The following CDH23 variants were observed in gnomAD, a reference collection of about 807,000 sequenced individuals.
CDH23 encodes the protein cadherin-23.
In CDH23, 189 loss-of-function variants were observed where a neutral mutation model predicts 317.1. That is an observed-to-expected ratio of 0.60 (90% CI 0.53 to 0.67). CDH23 has a LOEUF of 0.67. Ranked by LOEUF, CDH23 falls within the 30% of genes least tolerant of loss-of-function variation. The probability of loss-of-function intolerance (pLI) is 0.00; values close to 1 mark genes in which losing one functional copy is unlikely to be tolerated. For missense variants in CDH23, 4,401 were observed against 4,592.4 expected (o/e 0.96, Z 1.20); for synonymous variants, 1,839 against 1,876.8 (o/e 0.98, Z 0.52).
chr10:71,585,895 A>G (rs1234948116), intron 9 of CDH23, among the ~76,000 whole-genome samples: 1 of 152,128 alleles, frequency 6.6e-6, no homozygotes, highest in Non-Finnish European at 1.5e-5. Flanking sequence ...CTTCCCATAA[A>G]TAACACTGGT....
rs1323848232 is a variant in CDH23 at position 71,813,296 on chromosome 10, T to C, written c.9686T>C (p.Phe3229Ser). The change falls in exon 69 of 70, where the codon TTT (phenylalanine) becomes TCT (serine). Residue 3229 changes from phenylalanine to serine, a missense_variant. Physicochemically the swap from Phe to Ser is radical, Grantham distance 155. Around this residue, in one of 3 missense-constraint regions of CDH23, gnomAD observed 1,144 missense variants for 1,138.2 expected, o/e 1.01. Coordinates refer to ENST00000224721, the MANE Select transcript of CDH23 (RefSeq NM_022124.6). ...GATTACCTGCGGCTCAAAAAGCTCT[T>C]TGCACAGCGGATGGTGCAAAAAGCC... Reference protein sequence around the residue: ...LEDYLRLKKLFAQRMVQKASS... With the variant: ...LEDYLRLKKLSAQRMVQKASS... 1 of 1,551,646 alleles carries C rather than the reference T, an allele frequency of 6.4e-7. No homozygotes were observed. Among genetic ancestry groups the C allele is most frequent in the Admixed American group, 2.0e-5 (1 of 50,992 alleles).
chr10:71,701,934 C>T, intron 22 of CDH23, 88 bp from the exon 23 acceptor site: 1 of 1,414,496 alleles, frequency 7.1e-7, no homozygotes, highest in Non-Finnish European at 9.7e-7. Context: ...TCCCCAGGAC[C>T]AACGTCTGAG....
chr10:71,439,741 G>A (rs2132004742), intron 1 of CDH23, 86 bp from the exon 2 acceptor site: 2 of 940,664 alleles, frequency 2.1e-6, no homozygotes, highest in East Asian at 5.3e-5. Flanking sequence ...GTTCTCTCTG[G>A]AGCTGCAGAG....
Position 71,797,126 on chromosome 10 carries a change from C to T in CDH23, c.6735C>T (p.Pro2245=), listed in dbSNP as rs1841425163. The change falls in exon 49 of 70, where the codon CCC becomes CCT. Residue 2245 remains proline (P), a synonymous_variant. Coordinates refer to ENST00000224721, the MANE Select transcript of CDH23 (RefSeq NM_022124.6). The part of the protein sequence containing the change: ...INTGSVMVKS[P]MNRELVATYE... Reference sequence around the variant, plus strand: ...CAGGATCTGTAATGGTGAAGTCCCCCATGAATCGGGAGCTGGTTGCCACCT... The same window carrying T: ...CAGGATCTGTAATGGTGAAGTCCCCTATGAATCGGGAGCTGGTTGCCACCT... 1 of 1,612,864 alleles carries T rather than the reference C, an allele frequency of 6.2e-7. No individual in the cohort carries two copies. The highest frequency in any genetic ancestry group is 1.7e-5 in the Admixed American group (1 of 59,942).
chr10:71,779,592 A>G (rs1840902211), intron 41 of CDH23, 145 bp downstream of exon 41: 2 of 602,914 alleles, frequency 3.3e-6, no homozygotes, highest in Non-Finnish European at 5.6e-6. Flanking sequence ...ATCTATGACA[A>G]TGATGGAAAT....
At chr10:71,500,147 A>T (rs1196667335) in intron 3 of CDH23, among the ~76,000 whole-genome samples, 1 of 152,208 alleles carries the variant, frequency 6.6e-6, no homozygotes, top group South Asian at 2.1e-4. Context: ...CAAAGAAATG[A>T]TAAGTGTTTG....
At chr10:71,421,675 T>G (rs1848823758) in intron 1 of CDH23, among the ~76,000 whole-genome samples, 1 of 152,240 alleles carries the variant, frequency 6.6e-6, no homozygotes, top group South Asian at 2.1e-4. Context: ...GTATTGCTCA[T>G]GCAGATGTGA....
At chr10:71,416,700 C>CGTG (rs1312813488) in intron 1 of CDH23, among the ~76,000 whole-genome samples, 1 of 152,176 alleles carries the variant, frequency 6.6e-6, no homozygotes, top group Non-Finnish European at 1.5e-5. Context: ...GGGTCTCACT[C>CGTG]TGTCACCCAG....
At chr10:71,542,249 T>C (rs1033710000) in intron 6 of CDH23, among the ~76,000 whole-genome samples, 1 of 152,030 alleles carries the variant, frequency 6.6e-6, no homozygotes, top group African/African-American at 2.4e-5. Context: ...CAGCCTGGGG[T>C]TGGATCCCAG....
chr10:71,619,805 G>A (rs1861378994), intron 11 of CDH23, among the ~76,000 whole-genome samples: 2 of 152,210 alleles, frequency 1.3e-5, no homozygotes, highest in African/African-American at 2.4e-5. Context: ...TGATCTTGGA[G>A]GCAACCCAGA....
chr10:71,532,718 T>TTTG (rs1564636317), intron 6 of CDH23, among the ~76,000 whole-genome samples: 13 of 42,266 alleles, frequency 3.1e-4, no homozygotes, highest in African/African-American at 3.8e-4. Flanking sequence ...TTTGTTTTTT[T>TTTG]TTTTTTTTGT....
Position 71,810,530 on chromosome 10 carries a change from T to G in CDH23, c.9038T>G (p.Val3013Gly). 1 of 1,613,970 alleles carries G rather than the reference T, an allele frequency of 6.2e-7. No individual in the cohort carries two copies. The highest frequency in any genetic ancestry group is 8.5e-7 in the Non-Finnish European group (1 of 1,179,868). ...GCGCAGACAGAACTGCTTATCCACG[T>G]GGTGAACCGCGATACCAACCGCATC... ...NFAQTELLIH[V>G]VNRDTNRILD... The change falls in exon 62 of 70, where the codon GTG (valine) becomes GGG (glycine). Residue 3013 changes from valine to glycine, a missense_variant. Coordinates refer to ENST00000224721, the MANE Select transcript of CDH23 (RefSeq NM_022124.6).
rs75841770 is a variant in CDH23, at chr10:71,680,304, T to C, written c.1858+812T>C. 5.6e-3 allele frequency among the ~76,000 whole-genome samples: 853 copies of C among 152,286 alleles called. 12 individuals carry two copies. The highest frequency in any genetic ancestry group is 0.02 in the African/African-American group (818 of 41,556). ...TAGCTTTAAGGGCTCATTTAACACCTCCTCCTTTGGGAAGCTTCTCTGATT... is the reference window on the plus strand; with the variant it reads ...TAGCTTTAAGGGCTCATTTAACACCCCCTCCTTTGGGAAGCTTCTCTGATT... On this transcript the variant is annotated intron_variant, in intron 17 of 69. Transcript: ENST00000224721.
At chr10:71,801,150 C>CTCTCTTT (rs765969201) in intron 53 of CDH23, among the ~76,000 whole-genome samples, 1 of 73,958 alleles carries the variant, frequency 1.4e-5, no homozygotes, top group African/African-American at 5.9e-5. Context: ...CTCTCTCTCT[C>CTCTCTTT]TTTTTTTTTT....
Position 71,814,926 on chromosome 10 carries a change from C to T in CDH23, c.9739-26C>T, listed in dbSNP as rs776123171. On this transcript the variant is annotated intron_variant, in intron 69 of 69. Transcript: ENST00000224721. Reference sequence around the variant, plus strand: ...CTCACCCCTTGGGCATGGCCCTGAGCATGTGGGGGTCCCGGCCTCTTGCAG... The same window carrying T: ...CTCACCCCTTGGGCATGGCCCTGAGTATGTGGGGGTCCCGGCCTCTTGCAG... The T allele has an allele frequency of 1.3e-5, 21 of 1,586,140 alleles. No individual in the cohort carries two copies. The South Asian group carries it at 2.4e-4, about 18-fold the overall frequency.
intron 6 of CDH23, among the ~76,000 whole-genome samples, chr10:71,514,940 G>A (rs1854199730): frequency 6.6e-6 from 1 of 152,198 alleles, no homozygotes; most frequent in Non-Finnish European, 1.5e-5. Context: ...CTGTGTCTGT[G>A]CCCAGAGGTG....
intron 1 of CDH23, among the ~76,000 whole-genome samples, chr10:71,426,228 C>G (rs1341797716): frequency 4.6e-5 from 7 of 152,150 alleles, no homozygotes; most frequent in Non-Finnish European, 8.8e-5. Flanking sequence ...GTGATGGGGT[C>G]AGCATCCGAG....
At chr10:71,609,465 G>A (rs534724989) in intron 9 of CDH23, among the ~76,000 whole-genome samples, 5 of 152,250 alleles carry the variant, frequency 3.3e-5, no homozygotes, top group South Asian at 2.1e-4. Flanking sequence ...CTGCCCCACC[G>A]TCCCTCAGTA....
At chr10:71,403,412 C>CTTTCT (rs1554821127) in intron 1 of CDH23, among the ~76,000 whole-genome samples, 9 of 46,210 alleles carry the variant, frequency 1.9e-4, no homozygotes, top group East Asian at 5.7e-4. Flanking sequence ...TCTTTCTCTT[C>CTTTCT]CTTCCTTCCT....
Sources: allele counts gnomAD v4.1 joint callset (sites outside exome capture counted in the v4.1 genomes callset), GRCh38; gene constraint gnomAD v4.1.1; regional missense constraint gnomAD v4.1.1; transcripts MANE v1.5; gene names NCBI Gene and HGNC (gene_info 2026-07-23, HGNC 2026-07-21).